The following EP300 variants were observed in gnomAD, a reference collection of about 807,000 sequenced individuals.
The protein encoded by EP300 is EP300 lysine acetyltransferase.
EP300 carries 31 observed loss-of-function variants against 264.0 expected under a neutral mutation model. The observed-to-expected ratio is 0.12, with a 90% CI of 0.09 to 0.16. The LOEUF (loss-of-function observed/expected upper bound fraction) is 0.16. Among genes scored for constraint, EP300 ranks in the 10% least tolerant of loss-of-function variants. The probability of loss-of-function intolerance (pLI) is 1.00; values close to 1 mark genes in which losing one functional copy is unlikely to be tolerated. For missense variants in EP300, 2,766 were observed against 3,052.9 expected (o/e 0.91, Z 2.21); for synonymous variants, 1,340 against 1,045.4 (o/e 1.28, Z -5.44).
Position 41,129,976 on chromosome 22 carries a change from A to G in EP300, c.1255A>G (p.Asn419Asp), listed in dbSNP as rs2058908118. The G allele has an allele frequency of 6.2e-7, 1 of 1,613,728 alleles. No individual in the cohort carries two copies. Residue 419 changes from asparagine (N) to aspartate (D), a missense_variant, in exon 5 of 31, where the codon AAT becomes GAT. Asn to Asp is a conservative substitution (Grantham distance 23, BLOSUM62 1). Coordinates refer to ENST00000263253, the MANE Select transcript of EP300 (RefSeq NM_001429.4). The part of the protein sequence containing the change: ...HDCPVCLPLK[N>D]AGDKRNQQPI... ...TTGTCCTGTGTGTCTCCCCCTCAAA[A>G]ATGCTGGTGATAAGAGAAATCAACA...
At position 41,161,075 on chromosome 22, in the gene EP300, C is replaced by T. The variant is rs1252284382; in HGVS notation, c.3671+353C>T. 2.0e-5 allele frequency among the ~76,000 whole-genome samples: 3 copies of T among 152,266 alleles called. No individual in the cohort carries two copies. In the East Asian group the frequency reaches 5.8e-4, roughly 29 times the overall value. On this transcript the variant is annotated intron_variant, in intron 20 of 30. Transcript: ENST00000263253. ...TCTGTATAGGAAGCAATCAGCTTCT[C>T]TTCGAAAAATTGGAGGTTAGTACAA...
chr22:41,123,319 G>A (rs554318099), intron 2 of EP300, among the ~76,000 whole-genome samples: 6 of 152,208 alleles, frequency 3.9e-5, no homozygotes, highest in African/African-American at 7.2e-5. Flanking sequence ...CTCAAGGAGC[G>A]TGATACTTTC....
chr22:41,173,578 T>G, intron 28 of EP300, 45 bp from the exon 29 acceptor site: 1 of 1,607,308 alleles, frequency 6.2e-7, no homozygotes, highest in Non-Finnish European at 8.5e-7. Context: ...CCCAAATTAC[T>G]TAACAAAAAC....
intron 1 of EP300, among the ~76,000 whole-genome samples, chr22:41,107,023 C>T (rs539159452): frequency 6.6e-6 from 1 of 152,272 alleles, no homozygotes; most frequent in East Asian, 1.9e-4. Context: ...TCTCAAGCCT[C>T]AGCCTCCTGA....
At chr22:41,146,165 A>AT (rs130087) in intron 10 of EP300, among the ~76,000 whole-genome samples, 81,360 of 139,106 alleles carry the variant, frequency 0.58, 24,018 homozygotes, top group Admixed American at 0.71. Flanking sequence ...GATGGCCTCA[A>AT]TTTTTTTTTT....
At chr22:41,100,703 A>G (rs973033293) in intron 1 of EP300, among the ~76,000 whole-genome samples, 1 of 152,176 alleles carries the variant, frequency 6.6e-6, no homozygotes, top group East Asian at 1.9e-4. Flanking sequence ...TTCAAAGTAT[A>G]TGGGTGGGTG....
chr22:41,107,602 T>A (rs1005697724), intron 1 of EP300, among the ~76,000 whole-genome samples: 2 of 152,224 alleles, frequency 1.3e-5, no homozygotes, highest in African/African-American at 4.8e-5. Context: ...ATTTTGAAGG[T>A]TATGCTTCAT....
intron 29 of EP300, among the ~76,000 whole-genome samples, chr22:41,175,272 G>GACACTGTGAGTGTGGCGGCCAGAGAC (rs35497681): frequency 5.9e-5 from 9 of 151,868 alleles, no homozygotes; most frequent in African/African-American, 2.2e-4. Context: ...GCTGGCCAGA[G>GACACTGTGAGTGTGGCGGCCAGAGAC]ACTGTGAGTG....
chr22:41,123,305 G>A (rs2058862495), intron 2 of EP300, among the ~76,000 whole-genome samples: 2 of 152,000 alleles, frequency 1.3e-5, no homozygotes, highest in African/African-American at 4.8e-5. Flanking sequence ...GCAAATGCTG[G>A]AGGCTCAAGG....
intron 7 of EP300, 146 bp from the exon 8 acceptor site, chr22:41,137,507 A>T: frequency 1.9e-6 from 2 of 1,055,008 alleles, no homozygotes; most frequent in Non-Finnish European, 2.8e-6. Flanking sequence ...CAGTCTAGTC[A>T]CACACTTCTC....
In EP300 at chr22:41,117,071, A is replaced by C. The variant is rs1341145737; in HGVS notation, c.95-116A>C. On this transcript the variant is annotated intron_variant, in intron 1 of 30. Coordinates refer to ENST00000263253, the MANE Select transcript of EP300 (RefSeq NM_001429.4). The stretch of plus-strand genomic sequence containing the variant: ...GTAAGACCCTGTCTCAAATAAATAG[A>C]AAAACATGGAGTGAGGTTGGGAAAT... 4.3e-6 allele frequency: 4 copies of C among 936,372 alleles called. No individual in the cohort carries two copies. The Admixed American group carries it at 8.1e-5, about 19-fold the overall frequency. 58.0% of individuals were successfully genotyped at this position (936,372 alleles called of 1,614,324 possible). A position where few individuals can be genotyped will look rare whatever the true frequency, so the allele number is the denominator to read the frequency against.
chr22:41,135,236 C>A (rs1294318878), intron 6 of EP300, among the ~76,000 whole-genome samples: 2 of 152,180 alleles, frequency 1.3e-5, no homozygotes, highest in African/African-American at 4.8e-5. Flanking sequence ...AATGCACTTA[C>A]CTTTTTCCTT....
chr22:41,143,279 C>T (rs1413777886), intron 10 of EP300, among the ~76,000 whole-genome samples: 1 of 152,102 alleles, frequency 6.6e-6, no homozygotes, highest in African/African-American at 2.4e-5. Context: ...TGGTGAAACT[C>T]TGTCTCTATA....
At chr22:41,129,323 C>G (rs1011019351) in intron 4 of EP300, among the ~76,000 whole-genome samples, 1 of 152,098 alleles carries the variant, frequency 6.6e-6, no homozygotes, top group Non-Finnish European at 1.5e-5. Context: ...AACACACTAT[C>G]GTTTTTGTGA....
chr22:41,121,051 C>G (rs145258787), intron 2 of EP300, among the ~76,000 whole-genome samples: 2 of 152,172 alleles, frequency 1.3e-5, no homozygotes, highest in Non-Finnish European at 2.9e-5. Context: ...CATCTGTATT[C>G]CTACCGCTTT....
In EP300 at chr22:41,179,252, A is replaced by G. The variant is rs900720787; in HGVS notation, c.*296A>G. 4.2e-5 allele frequency: 17 copies of G among 402,930 alleles called. No individual in the cohort carries two copies. Among genetic ancestry groups the G allele is most frequent in the Admixed American group, 1.2e-4 (3 of 24,534 alleles). The allele number at this position is 402,930 out of a possible 1,614,324, so 25.0% of individuals were successfully genotyped here. The stretch of plus-strand genomic sequence containing the variant: ...AGGCTGAGGCCTGTGAAGCCAAACA[A>G]TATGCTCCTGCCTTGCACCTCCAAT... On this transcript the variant is annotated 3_prime_UTR_variant, in exon 31 of 31. Coordinates refer to ENST00000263253, the MANE Select transcript of EP300 (RefSeq NM_001429.4).
chr22:41,112,584 A>G (rs926866749), intron 1 of EP300, among the ~76,000 whole-genome samples: 1 of 152,140 alleles, frequency 6.6e-6, no homozygotes, highest in Non-Finnish European at 1.5e-5. Flanking sequence ...GATTCCTGGG[A>G]TTATCCCAAC....
chr22:41,144,665 T>G (rs2059001027), intron 10 of EP300, among the ~76,000 whole-genome samples: 1 of 152,094 alleles, frequency 6.6e-6, no homozygotes, highest in South Asian at 2.1e-4. Flanking sequence ...CCTTTAAATA[T>G]TTATCTTAAA....
At chr22:41,130,106 C>G in intron 5 of EP300, 103 bp downstream of exon 5, 1 of 848,258 alleles carries the variant, frequency 1.2e-6, no homozygotes, top group Non-Finnish European at 1.9e-6. Context: ...TGGTGTTGTA[C>G]TATGTTGAAT....
Sources: gnomAD v4.1 joint callset for allele counts (sites outside exome capture counted in the v4.1 genomes callset) on GRCh38, gnomAD v4.1.1 for gene constraint, MANE v1.5 for transcripts, NCBI Gene and HGNC (gene_info 2026-07-23, HGNC 2026-07-21) for gene names.